The following CNTNAP5 variants were observed in gnomAD, a reference collection of about 807,000 sequenced individuals.
CNTNAP5 encodes contactin-associated protein-like 5.
CNTNAP5 carries 72 observed loss-of-function variants against 150.2 expected under a neutral mutation model. That is an observed-to-expected ratio of 0.48 (90% CI 0.40 to 0.58). The LOEUF (loss-of-function observed/expected upper bound fraction) is 0.58. Among genes scored for constraint, CNTNAP5 ranks in the 20% least tolerant of loss-of-function variants. CNTNAP5 has a pLI of 0.00. For missense variants in CNTNAP5, 1,636 were observed against 1,626.2 expected (o/e 1.01, Z -0.10); for synonymous variants, 672 against 619.8 (o/e 1.08, Z -1.25).
At chr2:124,345,977 A>C (rs1320762002) in intron 3 of CNTNAP5, among the ~76,000 whole-genome samples, 4 of 152,226 alleles carry the variant, frequency 2.6e-5, no homozygotes, top group Non-Finnish European at 5.9e-5. Flanking sequence ...ATGTGAATCT[A>C]ATGCTGTTTT....
intron 10 of CNTNAP5, among the ~76,000 whole-genome samples, chr2:124,561,214 G>T (rs1361731157): frequency 6.6e-6 from 1 of 152,182 alleles, no homozygotes; most frequent in Non-Finnish European, 1.5e-5. Flanking sequence ...AAGGTAAACT[G>T]CAGAAGAAGC....
intron 13 of CNTNAP5, among the ~76,000 whole-genome samples, chr2:124,700,998 T>G (rs965674337): frequency 2.0e-5 from 3 of 151,988 alleles, no homozygotes; most frequent in Non-Finnish European, 4.4e-5. Flanking sequence ...ATTTTTTTTG[T>G]TTGTTTTTGT....
At chr2:124,827,383 T>C (rs908327838) in intron 19 of CNTNAP5, among the ~76,000 whole-genome samples, 3 of 152,154 alleles carry the variant, frequency 2.0e-5, no homozygotes, top group African/African-American at 7.2e-5. Context: ...TTAAAGTCCT[T>C]GTACTGGTCC....
In CNTNAP5 at chr2:124,107,212, C is replaced by A. The variant is rs142512204; in HGVS notation, c.82+81480C>A. Among the ~76,000 whole-genome samples the A allele has an allele frequency of 4.3e-4, 66 of 152,222 alleles. No homozygotes were observed. The East Asian group carries it at 0.01, about 24-fold the overall frequency. ...GGGACCACTATGCTCTCAGGGCTGG[C>A]AGTGAGGAAGAAAAGCTGGACCTGG... On this transcript the variant is annotated intron_variant, in intron 1 of 23. Coordinates refer to ENST00000682447, the MANE Select transcript of CNTNAP5 (RefSeq NM_001367498.1).
At chr2:124,055,536 C>T (rs908772609) in intron 1 of CNTNAP5, among the ~76,000 whole-genome samples, 5 of 152,278 alleles carry the variant, frequency 3.3e-5, no homozygotes, top group Middle Eastern at 6.8e-3. Flanking sequence ...AGAATGTTCT[C>T]GTCCAGTGAC....
At chr2:124,297,002 T>A (rs1215200756) in intron 3 of CNTNAP5, among the ~76,000 whole-genome samples, 1 of 152,180 alleles carries the variant, frequency 6.6e-6, no homozygotes, top group African/African-American at 2.4e-5. Context: ...CCTTTGTCTA[T>A]CACTATCCAG....
chr2:124,816,009 T>C (rs1161513861), intron 19 of CNTNAP5, among the ~76,000 whole-genome samples: 1 of 152,190 alleles, frequency 6.6e-6, no homozygotes, highest in Non-Finnish European at 1.5e-5. Context: ...AATTGGTCAT[T>C]ACTGAGAATG....
chr2:124,787,964 G>A (rs1479063824), intron 17 of CNTNAP5, among the ~76,000 whole-genome samples: 4 of 152,190 alleles, frequency 2.6e-5, no homozygotes, highest in African/African-American at 4.8e-5. Context: ...CGAATGACAA[G>A]TTGGTCCTGA....
At chr2:124,415,274 A>G (rs1691888092) in intron 3 of CNTNAP5, among the ~76,000 whole-genome samples, 1 of 152,204 alleles carries the variant, frequency 6.6e-6, no homozygotes, top group African/African-American at 2.4e-5. Flanking sequence ...CCACTAAGTC[A>G]TTCTTTTATA....
intron 11 of CNTNAP5, among the ~76,000 whole-genome samples, chr2:124,573,063 T>G (rs1289674370): frequency 6.6e-6 from 1 of 152,190 alleles, no homozygotes; most frequent in African/African-American, 2.4e-5. Context: ...CCAAAATGCT[T>G]AAAGCCACAG....
chr2:124,740,945 T>G (rs1372097146), intron 13 of CNTNAP5, among the ~76,000 whole-genome samples: 2 of 152,142 alleles, frequency 1.3e-5, no homozygotes, highest in East Asian at 3.9e-4. Context: ...TCATCATTTC[T>G]GCACACATTC....
At chr2:124,072,511 TAAAC>T (rs1216865295) in intron 1 of CNTNAP5, among the ~76,000 whole-genome samples, 3 of 151,862 alleles carry the variant, frequency 2.0e-5, no homozygotes, top group Admixed American at 6.6e-5. Flanking sequence ...TTAGAACTGA[TAAAC>T]AAATTCAGTA....
chr2:124,711,705 G>A (rs1406996539), intron 13 of CNTNAP5, among the ~76,000 whole-genome samples: 1 of 152,078 alleles, frequency 6.6e-6, no homozygotes, highest in African/African-American at 2.4e-5. Context: ...GCCAGGCAGG[G>A]TGGCACGTGC....
At chr2:124,731,161 A>G (rs1162008142) in intron 13 of CNTNAP5, among the ~76,000 whole-genome samples, 2 of 152,114 alleles carry the variant, frequency 1.3e-5, no homozygotes, top group African/African-American at 2.4e-5. Context: ...TCATGTTTCA[A>G]GTGCAGACAT....
chr2:124,724,846 G>A (rs192714085), intron 13 of CNTNAP5, among the ~76,000 whole-genome samples: 11 of 150,732 alleles, frequency 7.3e-5, no homozygotes, highest in African/African-American at 1.2e-4. Flanking sequence ...CCAGCAATTC[G>A]AAGGCAACTC....
intron 19 of CNTNAP5, among the ~76,000 whole-genome samples, chr2:124,864,640 C>T (rs1677593180): frequency 6.6e-6 from 1 of 151,806 alleles, no homozygotes; most frequent in African/African-American, 2.4e-5. Flanking sequence ...TCCTGGGAGT[C>T]TCATATGTCT....
chr2:124,252,913 A>G (rs1213010218), intron 3 of CNTNAP5, among the ~76,000 whole-genome samples: 1 of 152,118 alleles, frequency 6.6e-6, no homozygotes, highest in Non-Finnish European at 1.5e-5. Context: ...AAAGATGTGA[A>G]TAAAGACCAA....
chr2:124,528,455 G>C (rs1170190618), intron 10 of CNTNAP5, among the ~76,000 whole-genome samples: 2 of 152,188 alleles, frequency 1.3e-5, no homozygotes, highest in African/African-American at 4.8e-5. Flanking sequence ...GATTGGCATA[G>C]AAGCAGGAGA....
chr2:124,787,823 T>C (rs1000745379), intron 17 of CNTNAP5, among the ~76,000 whole-genome samples: 1 of 152,256 alleles, frequency 6.6e-6, no homozygotes, highest in Non-Finnish European at 1.5e-5. Context: ...ATTATGCATT[T>C]CAATTTCTCA....
Sources: allele counts gnomAD v4.1 joint callset (sites outside exome capture counted in the v4.1 genomes callset), GRCh38; gene constraint gnomAD v4.1.1; transcripts MANE v1.5; gene names NCBI Gene and HGNC (gene_info 2026-07-23, HGNC 2026-07-21).